PINX1: variants seen among roughly 807,000 people sequenced by gnomAD.
PINX1 encodes PIN2/TERF1-interacting telomerase inhibitor 1.
PINX1 carries 34 observed loss-of-function variants against 25.4 expected under a neutral mutation model. That is an observed-to-expected ratio of 1.34 (90% confidence interval 1.02 to 1.78). The LOEUF (loss-of-function observed/expected upper bound fraction) is 1.78, where lower values mean the gene tolerates loss of function less well. Among genes scored for constraint, PINX1 ranks in the 40% most tolerant of loss-of-function variants. The probability of loss-of-function intolerance (pLI) is 0.00; values close to 1 mark genes in which losing one functional copy is unlikely to be tolerated. For synonymous variants in PINX1, 197 were observed against 147.7 expected (o/e 1.33, Z -2.42); for missense variants, 592 against 404.9 (o/e 1.46, Z -3.97).
At chr8:10,822,206 T>G (rs1475764551) in intron 5 of PINX1, 1 of 152,200 alleles carries the variant, frequency 6.6e-6, no homozygotes, top group African/African-American at 2.4e-5. Flanking sequence ...AAGGTGAAGA[T>G]GGAAGTGACC....
chr8:10,832,537 T>C (rs974403694), intron 3 of PINX1, among the ~76,000 whole-genome samples: 2 of 152,248 alleles, frequency 1.3e-5, no homozygotes, highest in African/African-American at 4.8e-5. Flanking sequence ...CTAAAAATTT[T>C]AGCTCCGCCA....
At chr8:10,811,883 G>A (rs7823521) in intron 6 of PINX1, among the ~76,000 whole-genome samples, 34,228 of 152,118 alleles carry the variant, frequency 0.23, 4,042 homozygotes, top group East Asian at 0.34. Context: ...GGCCCACCTG[G>A]GTAGAGGGGA....
chr8:10,822,791 A>T (rs1018198776), intron 5 of PINX1, among the ~76,000 whole-genome samples: 1 of 152,322 alleles, frequency 6.6e-6, no homozygotes, highest in African/African-American at 2.4e-5. Context: ...AACCAACTCT[A>T]TGGAAAAGCA....
At chr8:10,779,196 CAG>C (rs2129073338) in intron 6 of PINX1, among the ~76,000 whole-genome samples, 1 of 152,282 alleles carries the variant, frequency 6.6e-6, no homozygotes, top group Non-Finnish European at 1.5e-5. Flanking sequence ...GCAAGCCCTG[CAG>C]AGTCTGACAG....
intron 4 of PINX1, among the ~76,000 whole-genome samples, chr8:10,831,301 G>C (rs1042521756): frequency 2.6e-5 from 4 of 152,172 alleles, no homozygotes; most frequent in African/African-American, 9.7e-5. Flanking sequence ...AGCTATGTAG[G>C]AACAGCTAAA....
intron 4 of PINX1, 118 bp from the exon 5 acceptor site, chr8:10,826,362 CTT>C (rs1798042300): frequency 3.5e-6 from 2 of 574,292 alleles, no homozygotes; most frequent in African/African-American, 3.8e-5. Flanking sequence ...TGATTGAACT[CTT>C]TCATTCATTT....
chr8:10,801,126 C>T, intron 6 of PINX1, among the ~76,000 whole-genome samples: 1 of 152,136 alleles, frequency 6.6e-6, no homozygotes. Context: ...AACCGAATTC[C>T]AGAACACAAA....
intron 6 of PINX1, among the ~76,000 whole-genome samples, chr8:10,785,164 C>A (rs1052599773): frequency 6.6e-6 from 1 of 152,144 alleles, no homozygotes; most frequent in Non-Finnish European, 1.5e-5. Flanking sequence ...CAAAGTAGTT[C>A]CAATGGAATT....
At chr8:10,788,488 C>G (rs1801821866) in intron 6 of PINX1, among the ~76,000 whole-genome samples, 1 of 152,088 alleles carries the variant, frequency 6.6e-6, no homozygotes, top group Non-Finnish European at 1.5e-5. Flanking sequence ...TCGCTTGAAA[C>G]CGGGAGGTGG....
At chr8:10,823,671 C>T (rs753395322) in intron 5 of PINX1, among the ~76,000 whole-genome samples, 15 of 151,940 alleles carry the variant, frequency 9.9e-5, no homozygotes, top group Non-Finnish European at 1.9e-4. Flanking sequence ...AGAACTAAAA[C>T]GATATAACCA....
chr8:10,797,730 T>C (rs1316289710), intron 6 of PINX1, among the ~76,000 whole-genome samples: 1 of 152,188 alleles, frequency 6.6e-6, no homozygotes, highest in Non-Finnish European at 1.5e-5. Context: ...TACCTTCATA[T>C]AATTTGAAGA....
chr8:10,786,980 G>A (rs1326065091), intron 6 of PINX1, among the ~76,000 whole-genome samples: 2 of 152,170 alleles, frequency 1.3e-5, no homozygotes, highest in Non-Finnish European at 2.9e-5. Context: ...ATTATCTCAT[G>A]AGGGAACAAT....
At chr8:10,818,734 C>T (rs1797776380) in intron 6 of PINX1, among the ~76,000 whole-genome samples, 1 of 151,932 alleles carries the variant, frequency 6.6e-6, no homozygotes, top group African/African-American at 2.4e-5. Flanking sequence ...TACAAAGGCT[C>T]AGGGTGTGAT....
chr8:10,786,135 G>A (rs1352174906), intron 6 of PINX1, among the ~76,000 whole-genome samples: 1 of 152,122 alleles, frequency 6.6e-6, no homozygotes, highest in African/African-American at 2.4e-5. Context: ...GATTCAAAAT[G>A]CCTTGTTATC....
intron 6 of PINX1, among the ~76,000 whole-genome samples, chr8:10,804,350 G>C (rs1221694617): frequency 6.6e-6 from 1 of 152,088 alleles, no homozygotes; most frequent in African/African-American, 2.4e-5. Flanking sequence ...CGTGCTCAGG[G>C]GCCTGAAAGA....
chr8:10,765,526 C>A lies in PINX1; in HGVS notation c.862G>T (p.Asp288Tyr). 1.9e-6 allele frequency: 3 copies of A among 1,613,720 alleles called. No individual in the cohort carries two copies. The highest frequency in any genetic ancestry group is 2.5e-6 in the Non-Finnish European group (3 of 1,179,892). The stretch of plus-strand genomic sequence containing the variant: ...CTCTTTTTGGGCTTCAGGGTGAAGT[C>A]CCGGCCCTCAGGCGGCTGCACATGG... ...GDHVQPPEGRDFTLKPKKRRG... is the reference protein window; with the variant it reads ...GDHVQPPEGRYFTLKPKKRRG... The change falls in exon 7 of 7, where the codon GAC becomes TAC. Residue 288 changes from aspartate to tyrosine, a missense_variant. Transcript: ENST00000314787.
At chr8:10,785,523 T>C (rs1269207124) in intron 6 of PINX1, among the ~76,000 whole-genome samples, 1 of 152,230 alleles carries the variant, frequency 6.6e-6, no homozygotes, top group African/African-American at 2.4e-5. Flanking sequence ...CTTCAAGCAA[T>C]AGGATAGCAC....
chr8:10,834,217 A>T (rs191323201), intron 2 of PINX1: 1 of 156,426 alleles, frequency 6.4e-6, no homozygotes, highest in South Asian at 2.0e-4. Context: ...AGACAATAGC[A>T]CTGTGGAGGC....
chr8:10,794,991 G>C (rs1404960258), intron 6 of PINX1, among the ~76,000 whole-genome samples: 2 of 152,136 alleles, frequency 1.3e-5, no homozygotes, highest in African/African-American at 4.8e-5. Context: ...GGTGACGCTA[G>C]AAATGAACAC....
Sources: gnomAD v4.1 joint callset for allele counts (sites outside exome capture counted in the v4.1 genomes callset) on GRCh38, gnomAD v4.1.1 for gene constraint, MANE v1.5 for transcripts, NCBI Gene and HGNC (gene_info 2026-07-23, HGNC 2026-07-21) for gene names.